PRR16: variants seen among roughly 807,000 people sequenced by gnomAD.
PRR16 encodes the protein protein Largen.
A neutral mutation model predicts 18.2 loss-of-function variants in PRR16; 6 were observed. That is an observed-to-expected ratio of 0.33 (90% CI 0.18 to 0.65). PRR16 has a LOEUF of 0.65. Among genes scored for constraint, PRR16 ranks in the 30% least tolerant of loss-of-function variants. PRR16 has a pLI of 0.74. For synonymous variants in PRR16, 151 were observed against 147.8 expected (o/e 1.02, Z -0.16); for missense variants, 412 against 376.6 (o/e 1.09, Z -0.78).
At chr5:120,665,503 T>A (rs904739475) in intron 1 of PRR16, among the ~76,000 whole-genome samples, 4 of 152,194 alleles carry the variant, frequency 2.6e-5, no homozygotes, top group African/African-American at 7.2e-5. Context: ...TGCTGTTGCT[T>A]TTAGTGTTTT....
At chr5:120,496,667 A>G (rs924349987) in intron 1 of PRR16, among the ~76,000 whole-genome samples, 14 of 150,784 alleles carry the variant, frequency 9.3e-5, no homozygotes, top group African/African-American at 2.9e-4. Flanking sequence ...TCTATATTTG[A>G]TTTATTTTGA....
intron 1 of PRR16, among the ~76,000 whole-genome samples, chr5:120,560,641 G>A (rs1025039478): frequency 6.6e-5 from 10 of 152,006 alleles, no homozygotes; most frequent in South Asian, 2.1e-4. Context: ...GGGTGATACC[G>A]ACTTCATAGA....
chr5:120,663,664 C>T (rs1756255871), intron 1 of PRR16, among the ~76,000 whole-genome samples: 1 of 152,142 alleles, frequency 6.6e-6, no homozygotes, highest in Non-Finnish European at 1.5e-5. Flanking sequence ...AACAACTTTT[C>T]TTCTATCTAA....
At chr5:120,482,500 T>A (rs1356286298) in intron 1 of PRR16, among the ~76,000 whole-genome samples, 1 of 152,210 alleles carries the variant, frequency 6.6e-6, no homozygotes, top group East Asian at 1.9e-4. Flanking sequence ...ATGGTGTATA[T>A]GTACCATATT....
intron 1 of PRR16, among the ~76,000 whole-genome samples, chr5:120,538,651 G>C (rs528906690): frequency 4.7e-4 from 72 of 152,246 alleles, no homozygotes; most frequent in African/African-American, 1.7e-3. Context: ...AGGTCTATAG[G>C]GTGCTTTTAT....
intron 1 of PRR16, among the ~76,000 whole-genome samples, chr5:120,487,410 T>G (rs1372965710): frequency 5.9e-5 from 9 of 152,216 alleles, no homozygotes; most frequent in Admixed American, 1.3e-4. Context: ...TTTGAAGCAA[T>G]TGTGAATGGG....
At chr5:120,732,756 A>G in the PRR16 span, among the ~76,000 whole-genome samples, 7 of 152,318 alleles carry the variant, frequency 4.6e-5, no homozygotes, top group South Asian at 2.1e-4. Flanking sequence ...CTGGTAGACC[A>G]GTATTTCTGT....
the PRR16 span, among the ~76,000 whole-genome samples, chr5:120,748,661 G>A: frequency 6.6e-6 from 1 of 152,092 alleles, no homozygotes; most frequent in Non-Finnish European, 1.5e-5. Flanking sequence ...AATGACATTT[G>A]AGCTAAACTC....
chr5:120,670,822 G>A (rs771106519), intron 1 of PRR16, among the ~76,000 whole-genome samples: 4 of 152,052 alleles, frequency 2.6e-5, no homozygotes, highest in East Asian at 1.9e-4. Flanking sequence ...TTTCACTAAC[G>A]CAAAAATAAT....
chr5:120,790,477 G>C, the PRR16 span: 2 of 150,240 alleles, frequency 1.3e-5, no homozygotes, highest in Admixed American at 6.7e-5. Flanking sequence ...AAAACTGAAT[G>C]AACAGAGAAA....
At chr5:120,713,563 AT>A in the PRR16 span, among the ~76,000 whole-genome samples, 2 of 152,170 alleles carry the variant, frequency 1.3e-5, no homozygotes, top group Non-Finnish European at 2.9e-5. Context: ...TGAAGTTTTA[AT>A]TTTAAAACTT....
intron 1 of PRR16, among the ~76,000 whole-genome samples, chr5:120,608,255 G>A (rs145953367): frequency 3.5e-4 from 53 of 152,088 alleles, no homozygotes; most frequent in Middle Eastern, 3.4e-3. Flanking sequence ...CATTTTTTTC[G>A]TTGCTCTTGG....
At chr5:120,638,689 C>T (rs1054751359) in intron 1 of PRR16, among the ~76,000 whole-genome samples, 24 of 152,212 alleles carry the variant, frequency 1.6e-4, no homozygotes, top group Admixed American at 1.6e-3. Context: ...CACAGATTCA[C>T]GCACAGGCAA....
At position 120,686,628 on chromosome 5, in the gene PRR16, C is replaced by A; in HGVS notation, c.834C>A (p.Ile278=). 1.2e-6 allele frequency: 2 copies of A among 1,608,394 alleles called. No individual in the cohort carries two copies. The highest frequency in any genetic ancestry group is 1.7e-6 in the Non-Finnish European group (2 of 1,176,608). ...GISHSNSFPP[I]RPATVPPPTA... is the part of the protein sequence containing the mutation. ...GCCACAGTAACAGCTTCCCCCCTAT[C>A]AGACCTGCAACTGTGCCTCCTCCCA... is the stretch of plus-strand genomic sequence containing the variant. Residue 278 remains isoleucine (I), a synonymous_variant, in exon 2 of 2, where the codon ATC becomes ATA. Transcript: ENST00000407149.
At chr5:120,748,181 G>A in the PRR16 span, among the ~76,000 whole-genome samples, 1 of 151,968 alleles carries the variant, frequency 6.6e-6, no homozygotes, top group African/African-American at 2.4e-5. Flanking sequence ...ACTGAAATAG[G>A]AAACTAAGTT....
rs140142564 is a variant in PRR16 at position 120,680,883 on chromosome 5, T to A, written c.160-5071T>A. Among the ~76,000 whole-genome samples the A allele has an allele frequency of 2.8e-3, 422 of 152,308 alleles. 4 individuals carry two copies. The highest frequency in any genetic ancestry group is 9.6e-3 in the African/African-American group (398 of 41,588). The stretch of plus-strand genomic sequence containing the variant: ...AATCTTTTTTCCACTCGTGTGTGTG[T>A]ACACATGAACATAAACTCTAAATTA... On this transcript the variant is annotated intron_variant, in intron 1 of 1. Transcript: ENST00000407149.
the PRR16 span, among the ~76,000 whole-genome samples, chr5:120,702,782 T>C: frequency 1.3e-5 from 2 of 150,730 alleles, no homozygotes; most frequent in Non-Finnish European, 3.0e-5. Flanking sequence ...GTGAGAGAGG[T>C]TGGAGAAGAG....
At chr5:120,641,396 A>G (rs1046487121) in intron 1 of PRR16, among the ~76,000 whole-genome samples, 7 of 152,116 alleles carry the variant, frequency 4.6e-5, no homozygotes, top group Non-Finnish European at 8.8e-5. Context: ...GAAATATGTA[A>G]GTACTGTATA....
At chr5:120,679,094 G>GGTTTAAAAAACCAAGGTTT (rs1756894915) in intron 1 of PRR16, among the ~76,000 whole-genome samples, 1 of 151,802 alleles carries the variant, frequency 6.6e-6, no homozygotes, top group African/African-American at 2.4e-5. Context: ...TAGCTTCCTT[G>GGTTTAAAAAACCAAGGTTT]TATACATGGT....
Sources: gnomAD v4.1 joint callset for allele counts (sites outside exome capture counted in the v4.1 genomes callset) on GRCh38, gnomAD v4.1.1 for gene constraint, MANE v1.5 for transcripts, NCBI Gene and HGNC (gene_info 2026-07-23, HGNC 2026-07-21) for gene names.